The following PLCG2 variants were observed in gnomAD, a reference collection of about 807,000 sequenced individuals.
The protein encoded by PLCG2 is 1-phosphatidylinositol 4,5-bisphosphate phosphodiesterase gamma-2.
Under a neutral mutation model 175.6 loss-of-function variants are expected in PLCG2, and 69 were observed. The observed-to-expected ratio is 0.39, with a 90% CI of 0.32 to 0.48. PLCG2 has a LOEUF of 0.48. Among genes scored for constraint, PLCG2 ranks in the 20% least tolerant of loss-of-function variants. The pLI is 0.91. For synonymous variants in PLCG2, 827 were observed against 624.0 expected, an observed-to-expected ratio of 1.33 and a Z score of -4.85; for missense variants, 1,798 against 1,650.9, an observed-to-expected ratio of 1.09 and a Z score of -1.54.
chr16:81,943,715 T>C (rs1275550863), intron 30 of PLCG2, among the ~76,000 whole-genome samples: 1 of 152,218 alleles, frequency 6.6e-6, no homozygotes, highest in Non-Finnish European at 1.5e-5. Flanking sequence ...TGGGCTAGTC[T>C]GCAAGAATTC....
intron 31 of PLCG2, among the ~76,000 whole-genome samples, chr16:81,947,091 A>C (rs1367439884): frequency 1.3e-5 from 2 of 152,206 alleles, no homozygotes; most frequent in African/African-American, 4.8e-5. Flanking sequence ...GCATTTGCCT[A>C]GGCCCGCTGC....
intron 2 of PLCG2, among the ~76,000 whole-genome samples, chr16:81,802,391 C>T (rs572981432): frequency 9.9e-5 from 15 of 151,714 alleles, no homozygotes; most frequent in Non-Finnish European, 1.6e-4. Context: ...GGATTACAGG[C>T]GTGAGCCACC....
upstream of PLCG2, among the ~76,000 whole-genome samples, chr16:81,774,663 A>C (rs185412328): frequency 2.8e-4 from 43 of 151,228 alleles, no homozygotes; most frequent in East Asian, 8.0e-3. Flanking sequence ...AGGGCGGTGG[A>C]CCTCAGCCTG....
At chr16:81,942,999 G>A (rs1006078864) in intron 30 of PLCG2, among the ~76,000 whole-genome samples, 1 of 152,162 alleles carries the variant, frequency 6.6e-6, no homozygotes, top group African/African-American at 2.4e-5. Context: ...CATAGAGCTG[G>A]AGACAGCTGG....
chr16:81,754,338 G>T (rs1185799974), intron 1 of PLCG2, among the ~76,000 whole-genome samples: 1 of 19,008 alleles, frequency 5.3e-5, no homozygotes, highest in Non-Finnish European at 9.8e-5. Context: ...CCTCCTTCCC[G>T]CCCATCCCCA....
chr16:81,949,235 G>A (rs1431089185), intron 31 of PLCG2, among the ~76,000 whole-genome samples: 1 of 152,158 alleles, frequency 6.6e-6, no homozygotes, highest in Non-Finnish European at 1.5e-5. Flanking sequence ...TAATGAAATA[G>A]CGAATAAAGG....
At chr16:81,882,796 C>T (rs1908153053) in intron 8 of PLCG2, among the ~76,000 whole-genome samples, 1 of 152,102 alleles carries the variant, frequency 6.6e-6, no homozygotes. Context: ...TCTGGCTCAT[C>T]CCACCTCACT....
chr16:81,824,342 C>G (rs566255641), intron 2 of PLCG2, among the ~76,000 whole-genome samples: 1 of 152,256 alleles, frequency 6.6e-6, no homozygotes, highest in Non-Finnish European at 1.5e-5. Flanking sequence ...CCACGTTGGC[C>G]AGGCTGGTCT....
At chr16:81,806,734 C>A (rs1321850731) in intron 2 of PLCG2, among the ~76,000 whole-genome samples, 1 of 152,086 alleles carries the variant, frequency 6.6e-6, no homozygotes, top group Non-Finnish European at 1.5e-5. Flanking sequence ...GAAGGCCTCA[C>A]TGAGAAGCTG....
intron 2 of PLCG2, among the ~76,000 whole-genome samples, chr16:81,757,703 A>G (rs2143079854): frequency 6.6e-6 from 1 of 152,350 alleles, no homozygotes; most frequent in South Asian, 2.1e-4. Flanking sequence ...TTAAAGTGTG[A>G]TTCGATGGCT....
At chr16:81,856,093 A>T (rs1340344776) in intron 3 of PLCG2, among the ~76,000 whole-genome samples, 2 of 152,182 alleles carry the variant, frequency 1.3e-5, no homozygotes, top group African/African-American at 4.8e-5. Flanking sequence ...CCTAAATTCA[A>T]GGTCAGCACA....
Position 81,938,900 on chromosome 16 carries a change from A to T in PLCG2, c.3298A>T (p.Lys1100Ter), listed in dbSNP as rs1225371450. The T allele has an allele frequency of 6.2e-7, 1 of 1,606,856 alleles. No individual in the cohort carries two copies. Among genetic ancestry groups the T allele is most frequent in the Admixed American group, 1.7e-5 (1 of 59,958 alleles). ...CGAEYDNNKFKTTVVNDNGLS... is the reference protein window; with the variant it reads ...CGAEYDNNKF ...AGCCGAGTATGACAACAACAAGTTC[A>T]AGACGACGGTTGTGAGTAAGTCAGT... Residue 1100 changes from lysine to a stop codon, truncating the protein, a stop_gained, in exon 29 of 33, where the codon AAG (lysine) becomes TAG (stop). Coordinates refer to ENST00000564138, the MANE Select transcript of PLCG2 (RefSeq NM_002661.5). LOFTEE classifies it high-confidence loss of function.
chr16:81,767,071 A>G (rs1209677362), intron 2 of PLCG2: 1 of 148,564 alleles, frequency 6.7e-6, no homozygotes, highest in Non-Finnish European at 1.5e-5. Flanking sequence ...AGTGGATGTC[A>G]TTCATGCTGT....
intron 3 of PLCG2, among the ~76,000 whole-genome samples, chr16:81,856,468 A>T (rs1318949359): frequency 6.6e-6 from 1 of 152,168 alleles, no homozygotes; most frequent in Non-Finnish European, 1.5e-5. Flanking sequence ...GGTAATAGCA[A>T]CCATGGGTAT....
At chr16:81,899,289 TAC>T (rs111338797) in intron 13 of PLCG2, among the ~76,000 whole-genome samples, 5,180 of 92,092 alleles carry the variant, frequency 0.056, 103 homozygotes, top group African/African-American at 0.068. Flanking sequence ...TATATATATA[TAC>T]ACACACACAC....
intron 23 of PLCG2, among the ~76,000 whole-genome samples, chr16:81,928,182 G>A (rs1055411961): frequency 2.6e-5 from 4 of 152,144 alleles, no homozygotes; most frequent in African/African-American, 9.7e-5. Context: ...GACATGGGGA[G>A]CCACAGAAGG....
intron 13 of PLCG2, among the ~76,000 whole-genome samples, chr16:81,896,143 C>A (rs1908875656): frequency 6.6e-6 from 1 of 152,112 alleles, no homozygotes; most frequent in South Asian, 2.1e-4. Flanking sequence ...GGCTCTAGAG[C>A]CCCGAGGAGG....
chr16:81,812,566 G>A (rs1446146427), intron 2 of PLCG2, among the ~76,000 whole-genome samples: 1 of 152,074 alleles, frequency 6.6e-6, no homozygotes, highest in Non-Finnish European at 1.5e-5. Flanking sequence ...TAAGTTCTTT[G>A]TAGATTCTGG....
At chr16:81,905,314 G>C in intron 14 of PLCG2, 89 bp from the exon 15 acceptor site, 1 of 846,708 alleles carries the variant, frequency 1.2e-6, no homozygotes, top group South Asian at 1.5e-5. Flanking sequence ...CAAAGGCCCT[G>C]CCTGGGAAGA....
Sources: gnomAD v4.1 joint callset for allele counts (sites outside exome capture counted in the v4.1 genomes callset) on GRCh38, gnomAD v4.1.1 for gene constraint, MANE v1.5 for transcripts, NCBI Gene and HGNC (gene_info 2026-07-23, HGNC 2026-07-21) for gene names.